The following GALNTL6 variants were observed in gnomAD, a reference collection of about 807,000 sequenced individuals.
GALNTL6 encodes polypeptide N-acetylgalactosaminyltransferase like 6.
Under a neutral mutation model 73.7 loss-of-function variants are expected in GALNTL6, and 46 were observed. That is an observed-to-expected ratio of 0.62 (90% confidence interval 0.49 to 0.80). The LOEUF is 0.80. Ranked by LOEUF, GALNTL6 falls within the 30% of genes least tolerant of loss-of-function variation. GALNTL6 has a pLI of 0.00. For missense variants in GALNTL6, 604 were observed against 755.0 expected (o/e 0.80, Z 2.34); for synonymous variants, 259 against 263.7 (o/e 0.98, Z 0.17).
intron 4 of GALNTL6, among the ~76,000 whole-genome samples, chr4:172,320,377 A>AT (rs1740716201): frequency 6.6e-6 from 1 of 152,078 alleles, no homozygotes; most frequent in African/African-American, 2.4e-5. Context: ...TGCTTCAGAG[A>AT]TTTTGCCTGA....
At chr4:172,183,641 C>T in intron 2 of GALNTL6, among the ~76,000 whole-genome samples, 1 of 152,130 alleles carries the variant, frequency 6.6e-6, no homozygotes, top group Admixed American at 6.5e-5. Context: ...TAGAGCTATC[C>T]TAGCCTTTGA....
rs565391700 is a variant in GALNTL6 at position 172,909,436 on chromosome 4, G to A, written c.1042-21725G>A. Among the ~76,000 whole-genome samples the A allele has an allele frequency of 2.6e-5, 4 of 151,782 alleles. No homozygotes were observed. In the East Asian group the frequency reaches 5.8e-4, roughly 22 times the overall value. On this transcript the variant is annotated intron_variant, in intron 8 of 12. Transcript: ENST00000506823. ...GCACCTAATACCCTTCATAAATAAC[G>A]ATCTCTCATAAATCAACAAGATTAA...
At chr4:172,842,078 G>A (rs991972784) in intron 7 of GALNTL6, among the ~76,000 whole-genome samples, 34 of 152,314 alleles carry the variant, frequency 2.2e-4, no homozygotes, top group African/African-American at 7.0e-4. Context: ...TCACAAGGAT[G>A]AAGTGACTTA....
intron 3 of GALNTL6, among the ~76,000 whole-genome samples, chr4:172,235,610 T>G (rs2033413309): frequency 6.6e-6 from 1 of 152,232 alleles, no homozygotes; most frequent in Non-Finnish European, 1.5e-5. Context: ...AAATTTTGTT[T>G]GCAGTAACTT....
At chr4:172,483,077 T>G (rs1442465607) in intron 5 of GALNTL6, among the ~76,000 whole-genome samples, 1 of 152,190 alleles carries the variant, frequency 6.6e-6, no homozygotes, top group Non-Finnish European at 1.5e-5. Context: ...TGTGTTTGTG[T>G]GTATAATACA....
chr4:172,686,722 T>G (rs1178926696), intron 5 of GALNTL6, among the ~76,000 whole-genome samples: 1 of 152,242 alleles, frequency 6.6e-6, no homozygotes, highest in Non-Finnish European at 1.5e-5. Flanking sequence ...GTGCTATTCT[T>G]TGAGTTTCTA....
intron 4 of GALNTL6, among the ~76,000 whole-genome samples, chr4:172,338,138 A>G (rs1227260889): frequency 6.6e-6 from 1 of 152,122 alleles, no homozygotes; most frequent in African/African-American, 2.4e-5. Context: ...TTATTTTTTT[A>G]AGATGTTAAT....
chr4:173,026,667 A>C (rs1753245659), intron 12 of GALNTL6, among the ~76,000 whole-genome samples: 3 of 152,216 alleles, frequency 2.0e-5, no homozygotes, highest in Admixed American at 2.0e-4. Context: ...TTATTTGTGC[A>C]GCACCTACTT....
At chr4:171,852,875 C>G (rs1735558509) in intron 2 of GALNTL6, among the ~76,000 whole-genome samples, 2 of 151,998 alleles carry the variant, frequency 1.3e-5, no homozygotes, top group South Asian at 4.1e-4. Flanking sequence ...GAGATGGAGT[C>G]TTGCTCTGTC....
At chr4:172,292,164 C>T (rs1410017275) in intron 3 of GALNTL6, among the ~76,000 whole-genome samples, 1 of 151,986 alleles carries the variant, frequency 6.6e-6, no homozygotes, top group African/African-American at 2.4e-5. Context: ...AATCATTACA[C>T]CTCTCAGGTA....
At chr4:172,347,945 C>A (rs1741807416) in intron 4 of GALNTL6, among the ~76,000 whole-genome samples, 1 of 152,058 alleles carries the variant, frequency 6.6e-6, no homozygotes. Flanking sequence ...ATGATAACAT[C>A]TTGATTTGGA....
chr4:171,959,469 G>T (rs1018020289), intron 2 of GALNTL6, among the ~76,000 whole-genome samples: 3 of 152,248 alleles, frequency 2.0e-5, no homozygotes, highest in East Asian at 3.9e-4. Context: ...TTCCATTAGA[G>T]TTATACCAAT....
chr4:171,826,215 C>T (rs762555292), intron 2 of GALNTL6, among the ~76,000 whole-genome samples: 4 of 152,074 alleles, frequency 2.6e-5, no homozygotes, highest in Non-Finnish European at 5.9e-5. Context: ...TGGTAGGTAG[C>T]CTTCCTTCAT....
At chr4:172,668,219 A>C (rs1438906279) in intron 5 of GALNTL6, 3 of 152,206 alleles carry the variant, frequency 2.0e-5, no homozygotes, top group African/African-American at 7.2e-5. Context: ...ATTTGAATGA[A>C]GCAGAATTGA....
chr4:171,971,707 T>A lies in GALNTL6; in HGVS notation c.138+156989T>A, dbSNP rs1386040883. ...AAATGCAATGGGTCTGGTCTTTTTT[T>A]AAAGTCCTATATTTGAATATTATAA... On this transcript the variant is annotated intron_variant, in intron 2 of 12. Coordinates refer to ENST00000506823, the MANE Select transcript of GALNTL6 (RefSeq NM_001034845.3). Among the ~76,000 whole-genome samples the A allele has an allele frequency of 3.3e-5, 5 of 152,206 alleles. No homozygotes were observed. In the East Asian group the frequency reaches 9.6e-4, roughly 29 times the overall value.
At chr4:172,829,390 TCCTTTGG>T (rs1457125775) in intron 7 of GALNTL6, among the ~76,000 whole-genome samples, 1 of 152,174 alleles carries the variant, frequency 6.6e-6, no homozygotes, top group Admixed American at 6.5e-5. Context: ...TTTCTACCCA[TCCTTTGG>T]CACCTCATTG....
At chr4:172,921,202 C>A (rs888462549) in intron 8 of GALNTL6, among the ~76,000 whole-genome samples, 6 of 152,122 alleles carry the variant, frequency 3.9e-5, no homozygotes, top group Non-Finnish European at 5.9e-5. Context: ...AGAGAGATAG[C>A]CAATTTTGGG....
intron 5 of GALNTL6, among the ~76,000 whole-genome samples, chr4:172,454,455 A>G (rs549224785): frequency 6.6e-6 from 1 of 152,374 alleles, no homozygotes; most frequent in South Asian, 2.1e-4. Context: ...TTGGATCCCC[A>G]TTCCAAGATG....
chr4:171,869,630 A>G (rs1736079753), intron 2 of GALNTL6, among the ~76,000 whole-genome samples: 1 of 152,156 alleles, frequency 6.6e-6, no homozygotes, highest in Non-Finnish European at 1.5e-5. Flanking sequence ...CATTGACTCA[A>G]GTTTCATTTA....
Sources: allele counts gnomAD v4.1 joint callset (sites outside exome capture counted in the v4.1 genomes callset), GRCh38; gene constraint gnomAD v4.1.1; transcripts MANE v1.5; gene names NCBI Gene and HGNC (gene_info 2026-07-23, HGNC 2026-07-21).